Variants in PPDPFL observed in about 807,000 individuals in gnomAD.
PPDPFL encodes pancreatic progenitor cell differentiation and proliferation factor-like protein.
PPDPFL carries 12 observed loss-of-function variants against 12.6 expected under a neutral mutation model. The observed-to-expected ratio is 0.95, with a 90% CI of 0.61 to 1.54. The LOEUF is 1.54. Ranked by LOEUF, PPDPFL falls within the 40% of genes most tolerant of loss-of-function variation. The pLI, the probability that PPDPFL is intolerant of heterozygous loss-of-function variation, is 0.00. For missense variants in PPDPFL, 114 were observed against 96.0 expected, an observed-to-expected ratio of 1.19 and a Z score of -0.78; for synonymous variants, 24 against 32.7, an observed-to-expected ratio of 0.73 and a Z score of 0.91.
chr8:49,055,676 CT>C (rs1400481965), intron 1 of PPDPFL, among the ~76,000 whole-genome samples: 1 of 152,108 alleles, frequency 6.6e-6, no homozygotes, highest in Non-Finnish European at 1.5e-5. Context: ...CCTCAGGTGA[CT>C]GTTTCATCTC....
chr8:49,072,606 A>G (rs1808411616), intron 1 of PPDPFL, 124 bp downstream of exon 1: 1 of 421,270 alleles, frequency 2.4e-6, no homozygotes, highest in African/African-American at 2.1e-5. Context: ...TAAATGTACT[A>G]CTTAATTGCA....
At chr8:49,062,517 G>T (rs529660545) in intron 1 of PPDPFL, among the ~76,000 whole-genome samples, 13 of 152,278 alleles carry the variant, frequency 8.5e-5, no homozygotes, top group South Asian at 4.1e-4. Flanking sequence ...TTGGAGACAA[G>T]AGCACCAGTT....
At chr8:49,075,067 T>C in intron 4 of PPDPFL, 85 bp from the exon 5 acceptor site, 2 of 1,545,844 alleles carry the variant, frequency 1.3e-6, no homozygotes, top group Non-Finnish European at 1.8e-6. Flanking sequence ...CTTGACACTC[T>C]TTATCAAGTT....
At chr8:49,069,992 T>G (rs1429736809), upstream of PPDPFL, among the ~76,000 whole-genome samples, 1 of 152,154 alleles carries the variant, frequency 6.6e-6, no homozygotes, top group Non-Finnish European at 1.5e-5. Flanking sequence ...GGAATTAACC[T>G]AGATGCCCAT....
upstream of PPDPFL, among the ~76,000 whole-genome samples, chr8:49,071,151 A>G (rs1309141724): frequency 6.6e-6 from 1 of 152,182 alleles, no homozygotes; most frequent in Non-Finnish European, 1.5e-5. Flanking sequence ...GTAATATTTG[A>G]AAGGAACCAT....
At position 49,075,207 on chromosome 8, in the gene PPDPFL, G is replaced by T; in HGVS notation, c.*34G>T. On this transcript the variant is annotated 3_prime_UTR_variant, in exon 5 of 5. Transcript: ENST00000522267. ...CTTTGCACTGCCATTTGATGAACAT[G>T]TTGGTAACGGTTGCCTGCCTTATGT... is the stretch of plus-strand genomic sequence containing the variant. The T allele has an allele frequency of 6.2e-7, 1 of 1,613,960 alleles. No homozygotes were observed. Among genetic ancestry groups the T allele is most frequent in the Admixed American group, 1.7e-5 (1 of 60,018 alleles).
At chr8:49,071,515 G>A (rs1354937214), upstream of PPDPFL, among the ~76,000 whole-genome samples, 2 of 152,116 alleles carry the variant, frequency 1.3e-5, no homozygotes, top group East Asian at 3.9e-4. Context: ...AATTAGCCAG[G>A]CATGGTAGCG....
At chr8:49,055,975 T>C (rs1328596590) in intron 1 of PPDPFL, among the ~76,000 whole-genome samples, 5 of 152,154 alleles carry the variant, frequency 3.3e-5, no homozygotes, top group Non-Finnish European at 5.9e-5. Context: ...CTGCAATAAC[T>C]TCCTAATTCT....
chr8:49,064,865 C>T (rs1286416011), intron 1 of PPDPFL, among the ~76,000 whole-genome samples: 2 of 152,134 alleles, frequency 1.3e-5, no homozygotes, highest in Non-Finnish European at 2.9e-5. Flanking sequence ...AAATTTCGAT[C>T]TGACATGAAA....
chr8:49,074,220 A>C lies in PPDPFL; in HGVS notation c.134-14A>C, dbSNP rs762875380. On this transcript the variant is annotated splice_polypyrimidine_tract_variant and intron_variant, in intron 3 of 4. Coordinates refer to ENST00000522267, the MANE Select transcript of PPDPFL (RefSeq NM_001256597.2). ...ATTTGTTTGATAAGGAGTAACATGA[A>C]TTTTATTTAATAGGGTTGCCTGAAG... 1.7e-5 allele frequency: 28 copies of C among 1,612,686 alleles called. No homozygotes were observed. Among genetic ancestry groups the C allele is most frequent in the Non-Finnish European group, 2.1e-5 (25 of 1,178,852 alleles).
chr8:49,067,962 G>C (rs571163806), upstream of PPDPFL, among the ~76,000 whole-genome samples: 1 of 152,156 alleles, frequency 6.6e-6, no homozygotes, highest in East Asian at 1.9e-4. Flanking sequence ...ATTAATTTTA[G>C]TACTTGGATA....
intron 1 of PPDPFL, among the ~76,000 whole-genome samples, chr8:49,064,464 G>T (rs551989128): frequency 6.6e-6 from 1 of 151,968 alleles, no homozygotes. Context: ...AGCCCCTGAG[G>T]AGATGCTCCT....
chr8:49,075,824 T>C lies in PPDPFL; in HGVS notation c.*651T>C, dbSNP rs1320190472. ...CTTTAAAATTTATGACTTTAAATAATATTTAATAACATGGAAAATTATATT... is the reference window on the plus strand; with the variant it reads ...CTTTAAAATTTATGACTTTAAATAACATTTAATAACATGGAAAATTATATT... On this transcript the variant is annotated 3_prime_UTR_variant, in exon 5 of 5. Transcript: ENST00000522267. The C allele has an allele frequency of 2.0e-5, 3 of 153,372 alleles. No individual in the cohort carries two copies. The highest frequency in any genetic ancestry group is 1.9e-4 in the East Asian group (1 of 5,246). 9.5% of individuals were successfully genotyped at this position (153,372 alleles called of 1,614,324 possible).
intron 3 of PPDPFL, 33 bp from the exon 4 acceptor site, chr8:49,074,199 GTT>G (rs1808447875): frequency 2.5e-6 from 4 of 1,604,518 alleles, no homozygotes; most frequent in African/African-American, 1.3e-5. Flanking sequence ...TCTCAAATTT[GTT>G]TGATAAGGAG....
At chr8:49,069,161 C>T (rs868611882), upstream of PPDPFL, among the ~76,000 whole-genome samples, 11 of 152,168 alleles carry the variant, frequency 7.2e-5, no homozygotes, top group Non-Finnish European at 1.3e-4. Flanking sequence ...ATATTATAAT[C>T]GTGATTATTG....
At chr8:49,071,327 A>G (rs1808383908), upstream of PPDPFL, among the ~76,000 whole-genome samples, 1 of 152,230 alleles carries the variant, frequency 6.6e-6, no homozygotes, top group Admixed American at 6.5e-5. Context: ...ATGTAAAGGG[A>G]GCCACAATTT....
At chr8:49,064,004 G>T (rs939810585) in intron 1 of PPDPFL, among the ~76,000 whole-genome samples, 7 of 152,104 alleles carry the variant, frequency 4.6e-5, no homozygotes, top group African/African-American at 1.7e-4. Flanking sequence ...TTTATGGAGG[G>T]TTGGTCATGC....
At chr8:49,060,955 T>C (rs1220367066) in intron 1 of PPDPFL, among the ~76,000 whole-genome samples, 2 of 152,102 alleles carry the variant, frequency 1.3e-5, no homozygotes, top group African/African-American at 2.4e-5. Context: ...ACTGTCTCCC[T>C]CATGCCTCAG....
chr8:49,065,784 C>CA (rs1420782810), intron 1 of PPDPFL, among the ~76,000 whole-genome samples: 10 of 152,298 alleles, frequency 6.6e-5, no homozygotes, highest in Admixed American at 6.5e-4. Context: ...ATTCTGGTGA[C>CA]ATCAGCCTTT....
Sources: allele counts gnomAD v4.1 joint callset (sites outside exome capture counted in the v4.1 genomes callset), GRCh38; gene constraint gnomAD v4.1.1; transcripts MANE v1.5; gene names NCBI Gene and HGNC (gene_info 2026-07-23, HGNC 2026-07-21).